BORCS5: variants seen among roughly 807,000 people sequenced by gnomAD.
The protein encoded by BORCS5 is BLOC-1-related complex subunit 5.
Under a neutral mutation model 22.1 loss-of-function variants are expected in BORCS5, and 17 were observed. The observed-to-expected ratio is 0.77, with a 90% confidence interval of 0.53 to 1.15. The LOEUF (loss-of-function observed/expected upper bound fraction) is 1.15. BORCS5 is among the 50% of genes most tolerant of loss of function. BORCS5 has a pLI of 0.00. For missense variants in BORCS5, 247 were observed against 253.2 expected, an observed-to-expected ratio of 0.98 and a Z score of 0.17; for synonymous variants, 117 against 99.8, an observed-to-expected ratio of 1.17 and a Z score of -1.03.
intron 2 of BORCS5, among the ~76,000 whole-genome samples, chr12:12,391,910 G>A (rs1239610680): frequency 5.6e-5 from 7 of 125,510 alleles, no homozygotes; most frequent in African/African-American, 2.1e-4. Context: ...GGCAGGCATG[G>A]GGGTTTGCTC....
Position 12,465,818 on chromosome 12 carries a change from A to C in BORCS5, c.*42A>C. The C allele has an allele frequency of 6.5e-7, 1 of 1,538,824 alleles. No homozygotes were observed. Among genetic ancestry groups the C allele is most frequent in the South Asian group, 1.1e-5 (1 of 88,378 alleles). On this transcript the variant is annotated 3_prime_UTR_variant, in exon 4 of 4. Coordinates refer to ENST00000314565, the MANE Select transcript of BORCS5 (RefSeq NM_058169.6). The stretch of plus-strand genomic sequence containing the variant: ...CTGGGGCTGGGAGCCCCAGACACCG[A>C]CACCCTGAGGACGTGTGGAGCTAAG...
At chr12:12,375,523 G>A (rs1378880818) in intron 2 of BORCS5, among the ~76,000 whole-genome samples, 1 of 152,232 alleles carries the variant, frequency 6.6e-6, no homozygotes, top group African/African-American at 2.4e-5. Flanking sequence ...AGGAGGCTGA[G>A]ATGGGAAGCT....
chr12:12,369,144 T>A (rs2136025818), intron 2 of BORCS5, among the ~76,000 whole-genome samples: 1 of 152,282 alleles, frequency 6.6e-6, no homozygotes, highest in East Asian at 1.9e-4. Flanking sequence ...CATTAAATAT[T>A]ATTATATTGA....
chr12:12,369,345 A>G (rs1413425799), intron 2 of BORCS5, among the ~76,000 whole-genome samples: 2 of 152,120 alleles, frequency 1.3e-5, no homozygotes, highest in Admixed American at 6.6e-5. Context: ...TGTAGACAGC[A>G]TATAGTAGGG....
At chr12:12,413,609 C>T (rs1014800318) in intron 2 of BORCS5, among the ~76,000 whole-genome samples, 13 of 139,310 alleles carry the variant, frequency 9.3e-5, no homozygotes, top group African/African-American at 3.4e-4. Flanking sequence ...ACCTCCCAGA[C>T]GGGTCGTGGC....
chr12:12,431,723 A>C (rs939583777), intron 2 of BORCS5, among the ~76,000 whole-genome samples: 5 of 64,382 alleles, frequency 7.8e-5, no homozygotes, highest in African/African-American at 3.0e-4. Flanking sequence ...TTAATTTGCC[A>C]ATTTCTTTTC....
chr12:12,362,930 C>T (rs947840586), intron 2 of BORCS5, among the ~76,000 whole-genome samples: 3 of 151,794 alleles, frequency 2.0e-5, no homozygotes, highest in Non-Finnish European at 2.9e-5. Context: ...GGATTACAGG[C>T]GTGAGGCACC....
At chr12:12,419,095 G>A (rs574936008) in intron 2 of BORCS5, among the ~76,000 whole-genome samples, 1 of 152,206 alleles carries the variant, frequency 6.6e-6, no homozygotes, top group Non-Finnish European at 1.5e-5. Context: ...TGCACAAAGT[G>A]TAGGTTTGAT....
At chr12:12,361,415 C>A in intron 2 of BORCS5, 66 bp downstream of exon 2, 4 of 1,553,848 alleles carry the variant, frequency 2.6e-6, no homozygotes, top group Non-Finnish European at 3.5e-6. Flanking sequence ...ACTACTTTCC[C>A]TCTACTTATC....
intron 2 of BORCS5, among the ~76,000 whole-genome samples, chr12:12,371,502 T>C (rs1377840089): frequency 6.6e-6 from 1 of 152,018 alleles, no homozygotes; most frequent in African/African-American, 2.4e-5. Flanking sequence ...CAATGTTGCC[T>C]AGGCTAGTCT....
At chr12:12,447,009 T>C (rs1181004045) in intron 3 of BORCS5, among the ~76,000 whole-genome samples, 1 of 152,214 alleles carries the variant, frequency 6.6e-6, no homozygotes, top group Non-Finnish European at 1.5e-5. Context: ...ACAGCATCAT[T>C]ACAGTGATGG....
chr12:12,421,836 T>A (rs921570312), intron 2 of BORCS5, among the ~76,000 whole-genome samples: 1 of 152,218 alleles, frequency 6.6e-6, no homozygotes, highest in Non-Finnish European at 1.5e-5. Context: ...AGTTTATTTG[T>A]GTAGAAGTGT....
chr12:12,469,323 T>C lies in BORCS5; in HGVS notation c.*3547T>C, dbSNP rs1209417807. On this transcript the variant is annotated 3_prime_UTR_variant, in exon 4 of 4. Coordinates refer to ENST00000314565, the MANE Select transcript of BORCS5 (RefSeq NM_058169.6). ...GTGAGCCAAGTTCGTGCCATTGCAC[T>C]CTGGCCTGGGTAACAAGAGTGAAAC... 4 of 152,282 alleles carry C rather than the reference T, an allele frequency of 2.6e-5. No homozygotes were observed. Among genetic ancestry groups the C allele is most frequent in the Non-Finnish European group, 5.9e-5 (4 of 68,070 alleles). The allele number at this position is 152,282 out of a possible 1,614,324, so 9.4% of individuals were successfully genotyped here. A position where few individuals can be genotyped will look rare whatever the true frequency, so the allele number is the denominator to read the frequency against.
At chr12:12,461,352 T>TG (rs146442219) in intron 3 of BORCS5, among the ~76,000 whole-genome samples, 9,933 of 151,938 alleles carry the variant, frequency 0.065, 470 homozygotes, top group East Asian at 0.2. Context: ...TTTTATTTTT[T>TG]GTAGAGATGA....
At chr12:12,429,528 G>C (rs1223258784) in intron 2 of BORCS5, among the ~76,000 whole-genome samples, 1 of 152,184 alleles carries the variant, frequency 6.6e-6, no homozygotes, top group Non-Finnish European at 1.5e-5. Flanking sequence ...CCTGGGTTTT[G>C]TTTTTAGATG....
intron 2 of BORCS5, among the ~76,000 whole-genome samples, chr12:12,410,942 C>T (rs1302797877): frequency 6.6e-6 from 1 of 152,196 alleles, no homozygotes; most frequent in Non-Finnish European, 1.5e-5. Context: ...AGGTCCTTCA[C>T]ATCCCTTTAA....
intron 3 of BORCS5, among the ~76,000 whole-genome samples, chr12:12,436,149 G>A (rs1416756528): frequency 6.6e-6 from 1 of 152,178 alleles, no homozygotes; most frequent in African/African-American, 2.4e-5. Flanking sequence ...CCACCATTCT[G>A]TCTTTGAATT....
In BORCS5 at chr12:12,465,719, C is replaced by G; in HGVS notation, c.534C>G (p.Pro178=). 1 of 1,614,124 alleles carries G rather than the reference C, an allele frequency of 6.2e-7. No homozygotes were observed. Among genetic ancestry groups the G allele is most frequent in the Admixed American group, 1.7e-5 (1 of 60,032 alleles). The change falls in exon 4 of 4, where the codon CCC becomes CCG. Residue 178 remains proline, a synonymous_variant. Transcript: ENST00000314565. Reference sequence around the variant, plus strand: ...TGGACAGGCTCAACAGCATGCTGCCCGAGGGCGAGCGGCTGGAGCCCTTCA... The same window carrying G: ...TGGACAGGCTCAACAGCATGCTGCCGGAGGGCGAGCGGCTGGAGCCCTTCA... ...PLLDRLNSML[P]EGERLEPFSM...
chr12:12,407,712 T>G (rs961851726), intron 2 of BORCS5, among the ~76,000 whole-genome samples: 2 of 150,754 alleles, frequency 1.3e-5, no homozygotes, highest in East Asian at 1.9e-4. Context: ...CTTTTTGTTT[T>G]TTTTTTTTTT....
Sources: allele counts gnomAD v4.1 joint callset (sites outside exome capture counted in the v4.1 genomes callset), GRCh38; gene constraint gnomAD v4.1.1; transcripts MANE v1.5; gene names NCBI Gene and HGNC (gene_info 2026-07-23, HGNC 2026-07-21).